The following MYO16 variants were observed in gnomAD, a reference collection of about 807,000 sequenced individuals.
The protein encoded by MYO16 is unconventional myosin-XVI.
In MYO16, 94 loss-of-function variants were observed where a neutral mutation model predicts 205.3. The observed-to-expected ratio is 0.46, with a 90% CI of 0.39 to 0.54. The LOEUF (loss-of-function observed/expected upper bound fraction) is 0.54. Ranked by LOEUF, MYO16 falls within the 20% of genes least tolerant of loss-of-function variation. The pLI is 0.00. For synonymous variants in MYO16, 988 were observed against 954.0 expected (o/e 1.04, Z -0.66); for missense variants, 2,315 against 2,387.5 (o/e 0.97, Z 0.63).
At chr13:108,579,604 C>T in the MYO16 span, among the ~76,000 whole-genome samples, 5 of 151,954 alleles carry the variant, frequency 3.3e-5, no homozygotes, top group African/African-American at 9.7e-5. Flanking sequence ...TCACATCCGG[C>T]TAATTTTTGT....
At chr13:108,501,669 C>T in the MYO16 span, among the ~76,000 whole-genome samples, 1 of 152,202 alleles carries the variant, frequency 6.6e-6, no homozygotes, top group Non-Finnish European at 1.5e-5. Flanking sequence ...ACCAGTGGGC[C>T]AGTTCCAACC....
the MYO16 span, among the ~76,000 whole-genome samples, chr13:108,532,530 A>G: frequency 6.6e-6 from 1 of 151,952 alleles, no homozygotes; most frequent in African/African-American, 2.4e-5. Context: ...GTCATGGCTC[A>G]TGCCTGTAAT....
At chr13:108,875,788 C>T (rs980646189) in intron 12 of MYO16, among the ~76,000 whole-genome samples, 2 of 152,046 alleles carry the variant, frequency 1.3e-5, no homozygotes, top group South Asian at 2.1e-4. Context: ...GCAGGAGGAT[C>T]GCTTGACCCC....
At chr13:108,878,232 C>T (rs1879418444) in intron 12 of MYO16, among the ~76,000 whole-genome samples, 1 of 152,104 alleles carries the variant, frequency 6.6e-6, no homozygotes, top group African/African-American at 2.4e-5. Context: ...TGTTTTCGTG[C>T]CAAAAAGTTG....
chr13:108,682,868 A>T (rs1882520940), intron 2 of MYO16, among the ~76,000 whole-genome samples: 1 of 152,170 alleles, frequency 6.6e-6, no homozygotes, highest in South Asian at 2.1e-4. Flanking sequence ...GTGCTTGGTC[A>T]TGTCTTTATC....
chr13:108,686,622 AAACT>A (rs899625465), intron 2 of MYO16, among the ~76,000 whole-genome samples: 7 of 152,158 alleles, frequency 4.6e-5, no homozygotes, highest in African/African-American at 1.7e-4. Context: ...ATCGTTCCTA[AAACT>A]AGTTGAGGGC....
intron 21 of MYO16, among the ~76,000 whole-genome samples, chr13:109,002,254 A>G (rs1032050336): frequency 6.6e-6 from 1 of 152,216 alleles, no homozygotes; most frequent in Admixed American, 6.5e-5. Context: ...GCTTTAATTA[A>G]TCTCCTACTT....
chr13:108,757,654 A>G (rs9559401), intron 4 of MYO16, among the ~76,000 whole-genome samples: 6,437 of 151,044 alleles, frequency 0.043, 276 homozygotes, highest in East Asian at 0.25. Flanking sequence ...AACAGGCCCC[A>G]GTGTGTGATG....
At chr13:108,782,661 G>A (rs955398974) in intron 4 of MYO16, among the ~76,000 whole-genome samples, 1 of 152,142 alleles carries the variant, frequency 6.6e-6, no homozygotes, top group Non-Finnish European at 1.5e-5. Flanking sequence ...CAGAGGCCCA[G>A]GAGGAAAAAG....
chr13:108,849,815 G>T (rs1376636963), intron 10 of MYO16, among the ~76,000 whole-genome samples: 6 of 132,018 alleles, frequency 4.5e-5, no homozygotes, highest in African/African-American at 8.8e-5. Context: ...CTCTTTTTTT[G>T]TGTGTGTAAC....
At chr13:108,920,403 C>G (rs7992027) in intron 16 of MYO16, among the ~76,000 whole-genome samples, 57,663 of 147,570 alleles carry the variant, frequency 0.39, 11,361 homozygotes, top group South Asian at 0.58. Context: ...TCCTTCCTTC[C>G]TTCTCTCTCT....
intron 4 of MYO16, among the ~76,000 whole-genome samples, chr13:108,747,021 G>A (rs1885086844): frequency 6.6e-6 from 1 of 152,120 alleles, no homozygotes; most frequent in Non-Finnish European, 1.5e-5. Flanking sequence ...ATGCTAAAAA[G>A]AAACACTGCC....
At chr13:108,902,718 C>T (rs1452497271) in intron 15 of MYO16, among the ~76,000 whole-genome samples, 1 of 152,144 alleles carries the variant, frequency 6.6e-6, no homozygotes, top group Non-Finnish European at 1.5e-5. Context: ...GACCTTCTCC[C>T]TGTGCCTCTT....
chr13:109,139,499 G>T (rs1241037799), intron 31 of MYO16, among the ~76,000 whole-genome samples: 1 of 152,144 alleles, frequency 6.6e-6, no homozygotes, highest in African/African-American at 2.4e-5. Flanking sequence ...GCCTCCATGG[G>T]TGGCTGACAT....
At chr13:108,946,427 A>G (rs1354416771) in intron 16 of MYO16, among the ~76,000 whole-genome samples, 2 of 152,304 alleles carry the variant, frequency 1.3e-5, no homozygotes, top group Admixed American at 6.5e-5. Context: ...ATATACTGGG[A>G]ACCTATTGGG....
chr13:108,615,720 T>A (rs1039449154), intron 1 of MYO16, among the ~76,000 whole-genome samples: 2 of 152,148 alleles, frequency 1.3e-5, no homozygotes, highest in Admixed American at 6.6e-5. Flanking sequence ...TGGTATAACC[T>A]CATTTGTACG....
chr13:108,798,574 T>C (rs899616571), intron 6 of MYO16, among the ~76,000 whole-genome samples: 1 of 152,126 alleles, frequency 6.6e-6, no homozygotes, highest in African/African-American at 2.4e-5. Context: ...TTTGAGAATA[T>C]AGTCTTTGAA....
intron 9 of MYO16, among the ~76,000 whole-genome samples, chr13:108,836,755 T>C (rs1876942726): frequency 6.6e-6 from 1 of 152,208 alleles, no homozygotes; most frequent in African/African-American, 2.4e-5. Context: ...TATTTTGGAC[T>C]TGCATGGGGC....
intron 17 of MYO16, 29 bp downstream of exon 17, chr13:108,957,828 G>C (rs774402861): frequency 6.6e-7 from 1 of 1,506,446 alleles, no homozygotes; most frequent in Non-Finnish European, 9.2e-7. Flanking sequence ...ATTTCACTGA[G>C]AAAATCAACC....
Sources: gnomAD v4.1 joint callset for allele counts (sites outside exome capture counted in the v4.1 genomes callset) on GRCh38, gnomAD v4.1.1 for gene constraint, MANE v1.5 for transcripts, NCBI Gene and HGNC (gene_info 2026-07-23, HGNC 2026-07-21) for gene names.